Variants in CACNG2 observed in about 807,000 individuals in gnomAD.
The protein encoded by CACNG2 is voltage-dependent calcium channel gamma-2 subunit.
A neutral mutation model predicts 25.9 loss-of-function variants in CACNG2; 3 were observed. The observed-to-expected ratio is 0.12, with a 90% confidence interval of 0.05 to 0.30. CACNG2 has a LOEUF of 0.30. Among genes scored for constraint, CACNG2 ranks in the 10% least tolerant of loss-of-function variants. The probability of loss-of-function intolerance (pLI) is 1.00; values close to 1 mark genes in which losing one functional copy is unlikely to be tolerated. For missense variants in CACNG2, 341 were observed against 432.5 expected, an observed-to-expected ratio of 0.79 and a Z score of 1.88; for synonymous variants, 167 against 173.3, an observed-to-expected ratio of 0.96 and a Z score of 0.29.
chr22:36,584,199 C>T (rs968865303), intron 2 of CACNG2, among the ~76,000 whole-genome samples: 1 of 152,202 alleles, frequency 6.6e-6, no homozygotes, highest in Non-Finnish European at 1.5e-5. Context: ...CGCCTGTAAT[C>T]CCAGCACTTT....
At chr22:36,592,340 C>T (rs1287272282) in intron 1 of CACNG2, among the ~76,000 whole-genome samples, 6 of 151,570 alleles carry the variant, frequency 4.0e-5, no homozygotes, top group East Asian at 1.9e-4. Context: ...TGAGCTGCAA[C>T]GGTGGCACGT....
In CACNG2 at chr22:36,702,754, C is replaced by T; in HGVS notation, c.-178G>A. 1.7e-6 allele frequency: 1 copy of T among 579,402 alleles called. No homozygotes were observed. The highest frequency in any genetic ancestry group is 3.0e-6 in the Non-Finnish European group (1 of 331,292). The allele number at this position is 579,402 out of a possible 1,614,324, so 35.9% of individuals were successfully genotyped here. ...TTATAAAAAAAGGGAGGTAAGAAAG[C>T]TCACGGAAAAGAGTGTAAATTATAA... is the stretch of plus-strand genomic sequence containing the variant. On this transcript the variant is annotated 5_prime_UTR_variant, in exon 1 of 4. Coordinates refer to ENST00000300105, the MANE Select transcript of CACNG2 (RefSeq NM_006078.5).
In CACNG2 at chr22:36,698,754, T is replaced by G. The variant is rs569816166; in HGVS notation, c.211+3612A>C. 9.9e-5 allele frequency among the ~76,000 whole-genome samples: 15 copies of G among 152,238 alleles called. No individual in the cohort carries two copies. The South Asian group carries it at 3.1e-3, about 32-fold the overall frequency. On this transcript the variant is annotated intron_variant, in intron 1 of 3. Transcript: ENST00000300105. Reference sequence around the variant, plus strand: ...GTAAGATTTCTGTTCTGCCTCACAGTAAGGCAAAACGGACAGAGGGGGAGA... The same window carrying G: ...GTAAGATTTCTGTTCTGCCTCACAGGAAGGCAAAACGGACAGAGGGGGAGA...
intron 1 of CACNG2, among the ~76,000 whole-genome samples, chr22:36,670,214 C>A (rs140068786): frequency 2.0e-5 from 3 of 152,296 alleles, no homozygotes; most frequent in Non-Finnish European, 4.4e-5. Context: ...AGATGGGCAG[C>A]TGGCTAAAGG....
intron 1 of CACNG2, among the ~76,000 whole-genome samples, chr22:36,668,642 C>G (rs945084496): frequency 1.3e-5 from 2 of 152,066 alleles, no homozygotes; most frequent in African/African-American, 2.4e-5. Context: ...GTGCACACCA[C>G]CCCTCCTGGC....
intron 1 of CACNG2, among the ~76,000 whole-genome samples, chr22:36,632,101 T>G (rs1406661166): frequency 6.6e-6 from 1 of 152,112 alleles, no homozygotes; most frequent in Non-Finnish European, 1.5e-5. Flanking sequence ...TATTTACAAC[T>G]CGAAAGGAGA....
At chr22:36,568,627 A>T (rs898267636) in intron 2 of CACNG2, among the ~76,000 whole-genome samples, 5 of 150,414 alleles carry the variant, frequency 3.3e-5, no homozygotes, top group African/African-American at 9.8e-5. Context: ...CTGGTCTTGA[A>T]CTCCTGACCT....
At chr22:36,659,505 C>A (rs1161944627) in intron 1 of CACNG2, among the ~76,000 whole-genome samples, 1 of 151,998 alleles carries the variant, frequency 6.6e-6, no homozygotes, top group Non-Finnish European at 1.5e-5. Flanking sequence ...GTTCATGAAT[C>A]CAGGAAGGGT....
At chr22:36,688,538 T>TC (rs762627870) in intron 1 of CACNG2, among the ~76,000 whole-genome samples, 3,078 of 78,282 alleles carry the variant, frequency 0.039, 39 homozygotes, top group South Asian at 0.07. Flanking sequence ...AGACCCTGTC[T>TC]CAAAAAAAAA....
At chr22:36,643,048 C>T (rs1936463644) in intron 1 of CACNG2, among the ~76,000 whole-genome samples, 1 of 137,122 alleles carries the variant, frequency 7.3e-6, no homozygotes, top group South Asian at 2.8e-4. Context: ...TTTCTTCCTT[C>T]CTTCTTTCTC....
intron 1 of CACNG2, among the ~76,000 whole-genome samples, chr22:36,612,659 G>A (rs763601346): frequency 4.6e-5 from 7 of 152,120 alleles, no homozygotes; most frequent in Admixed American, 6.5e-5. Context: ...CTGGTCATAC[G>A]CTCCACCACG....
At chr22:36,594,537 C>T (rs902872071) in intron 1 of CACNG2, among the ~76,000 whole-genome samples, 6 of 152,144 alleles carry the variant, frequency 3.9e-5, no homozygotes, top group Non-Finnish European at 5.9e-5. Context: ...GAGAGTGGAG[C>T]GTGTCTGGGG....
intron 1 of CACNG2, among the ~76,000 whole-genome samples, chr22:36,603,235 G>C (rs1254125690): frequency 2.0e-5 from 3 of 152,242 alleles, no homozygotes; most frequent in Non-Finnish European, 2.9e-5. Context: ...GCCTAATCCA[G>C]AGTAAGGCCC....
At chr22:36,655,733 T>TC (rs201234979) in intron 1 of CACNG2, among the ~76,000 whole-genome samples, 7,792 of 142,600 alleles carry the variant, frequency 0.055, 741 homozygotes, top group African/African-American at 0.22. Context: ...CTTTTCTTTC[T>TC]TTCTCTTCCT....
chr22:36,680,784 C>T (rs1937110768), intron 1 of CACNG2, among the ~76,000 whole-genome samples: 1 of 145,396 alleles, frequency 6.9e-6, no homozygotes, highest in Admixed American at 6.9e-5. Context: ...TTTATCACAA[C>T]CGTTATTGTC....
rs34363201 is a variant in CACNG2, at chr22:36,563,844, T to TA, written c.*506dup. 0.012 allele frequency: 1,436 copies of TA among 121,378 alleles called. 23 individuals are homozygous for TA. The highest frequency in any genetic ancestry group is 0.03 in the African/African-American group (961 of 32,544). 7.5% of individuals were successfully genotyped at this position (121,378 alleles called of 1,614,324 possible). ...AACAGAAAAGTAACTCTCCCCGAGT[T>TA]AAAAAAAAAAAAAAAAAGTAACATA... On this transcript the variant is annotated 3_prime_UTR_variant, in exon 4 of 4. Transcript: ENST00000300105.
chr22:36,681,685 G>C lies in CACNG2; in HGVS notation c.211+20681C>G, dbSNP rs186038667. ...TGACCATTTGTGTTTGGAATCCATT[G>C]GCTGGACTAGGGTTTAAATCCCTGC... On this transcript the variant is annotated intron_variant, in intron 1 of 3. Coordinates refer to ENST00000300105, the MANE Select transcript of CACNG2 (RefSeq NM_006078.5). 2.0e-5 allele frequency among the ~76,000 whole-genome samples: 3 copies of C among 152,228 alleles called. No homozygotes were observed. The East Asian group carries it at 5.8e-4, about 29-fold the overall frequency.
chr22:36,698,135 C>G (rs1316317492), intron 1 of CACNG2, among the ~76,000 whole-genome samples: 5 of 152,160 alleles, frequency 3.3e-5, no homozygotes, highest in Non-Finnish European at 1.5e-5. Flanking sequence ...GCACCCCCTT[C>G]TCTCCCTCTC....
chr22:36,652,546 G>A (rs1399013965), intron 1 of CACNG2, among the ~76,000 whole-genome samples: 7 of 152,230 alleles, frequency 4.6e-5, no homozygotes, highest in East Asian at 1.9e-4. Context: ...ATCCCTGAAC[G>A]AAATCTCCCA....
Sources: allele counts gnomAD v4.1 joint callset (sites outside exome capture counted in the v4.1 genomes callset), GRCh38; gene constraint gnomAD v4.1.1; transcripts MANE v1.5; gene names NCBI Gene and HGNC (gene_info 2026-07-23, HGNC 2026-07-21).